The following SPRED2 variants were observed in gnomAD, a reference collection of about 807,000 sequenced individuals.
SPRED2 encodes sprouty related EVH1 domain containing 2.
A neutral mutation model predicts 43.0 loss-of-function variants in SPRED2; 47 were observed. That is an observed-to-expected ratio of 1.09 (90% CI 0.87 to 1.40). The LOEUF is 1.40. SPRED2 is among the 40% of genes most tolerant of loss of function. SPRED2 has a pLI of 0.00. For synonymous variants in SPRED2, 225 were observed against 225.7 expected (o/e 1.00, Z 0.03); for missense variants, 561 against 586.4 (o/e 0.96, Z 0.45).
intron 1 of SPRED2, among the ~76,000 whole-genome samples, chr2:65,411,329 A>G (rs1676153546): frequency 6.6e-6 from 1 of 152,192 alleles, no homozygotes; most frequent in Non-Finnish European, 1.5e-5. Flanking sequence ...CATTGCTGTG[A>G]TATCCCTGCT....
rs978662795 is a variant in SPRED2 at position 65,432,239 on chromosome 2, G to A, written c.-252C>T. The A allele has an allele frequency of 7.5e-6, 4 of 532,622 alleles. No individual in the cohort carries two copies. Among genetic ancestry groups the A allele is most frequent in the Non-Finnish European group, 1.4e-5 (4 of 295,344 alleles). 33.0% of individuals were successfully genotyped at this position (532,622 alleles called of 1,614,324 possible). A position where few individuals can be genotyped will look rare whatever the true frequency, so the allele number is the denominator to read the frequency against. ...GTGGGGAGAGGCGGGCGGAGGCTCC[G>A]GGGGCTCGGGAGCGGGCAGAGGGGG... is the stretch of plus-strand genomic sequence containing the variant. On this transcript the variant is annotated 5_prime_UTR_variant, in exon 1 of 6. Coordinates refer to ENST00000356388, the MANE Select transcript of SPRED2 (RefSeq NM_181784.3).
intron 1 of SPRED2, among the ~76,000 whole-genome samples, chr2:65,395,624 T>C (rs750877482): frequency 1.3e-5 from 2 of 152,252 alleles, no homozygotes; most frequent in Non-Finnish European, 2.9e-5. Context: ...AAAAGTCATT[T>C]AAGGTCTCTA....
At position 65,311,495 on chromosome 2, in the gene SPRED2, A is replaced by C; in HGVS notation, c.*2006T>G. On this transcript the variant is annotated 3_prime_UTR_variant, in exon 6 of 6. Coordinates refer to ENST00000356388, the MANE Select transcript of SPRED2 (RefSeq NM_181784.3). Reference sequence around the variant, plus strand: ...ATAGGGGCACTTGAACTGAGGTCTAAGGAAACGAACATTAGTGTTGTGCTT... The same window carrying C: ...ATAGGGGCACTTGAACTGAGGTCTACGGAAACGAACATTAGTGTTGTGCTT... 1.0e-6 allele frequency: 1 copy of C among 985,904 alleles called. No homozygotes were observed. The highest frequency in any genetic ancestry group is 1.2e-6 in the Non-Finnish European group (1 of 829,946). 61.1% of individuals were successfully genotyped at this position (985,904 alleles called of 1,614,324 possible). A position where few individuals can be genotyped will look rare whatever the true frequency, so the allele number is the denominator to read the frequency against.
At chr2:65,318,905 C>T (rs1245386190) in intron 4 of SPRED2, among the ~76,000 whole-genome samples, 1 of 152,150 alleles carries the variant, frequency 6.6e-6, no homozygotes, top group Non-Finnish European at 1.5e-5. Context: ...GCTTTGGCCT[C>T]CCAATATGCT....
At chr2:65,351,866 T>C (rs1674521171) in intron 1 of SPRED2, among the ~76,000 whole-genome samples, 1 of 152,210 alleles carries the variant, frequency 6.6e-6, no homozygotes, top group Non-Finnish European at 1.5e-5. Flanking sequence ...AAGTATCAAC[T>C]ACTCAAGAAT....
chr2:65,314,609 T>G (rs1673184100), intron 5 of SPRED2, among the ~76,000 whole-genome samples: 1 of 152,214 alleles, frequency 6.6e-6, no homozygotes, highest in African/African-American at 2.4e-5. Context: ...TACACTCACT[T>G]CTAAAGGCCT....
intron 4 of SPRED2, among the ~76,000 whole-genome samples, chr2:65,321,673 G>C (rs1404213701): frequency 6.6e-6 from 1 of 152,110 alleles, no homozygotes; most frequent in Non-Finnish European, 1.5e-5. Context: ...AGATGATTTT[G>C]GTCAAGTTAA....
intron 1 of SPRED2, among the ~76,000 whole-genome samples, chr2:65,381,410 C>G (rs1181525487): frequency 6.6e-6 from 1 of 152,184 alleles, no homozygotes; most frequent in Non-Finnish European, 1.5e-5. Flanking sequence ...GTGTTCCCTG[C>G]CCACCAATTT....
At chr2:65,366,785 T>C in intron 1 of SPRED2, 1 of 1,328,196 alleles carries the variant, frequency 7.5e-7, no homozygotes, top group Non-Finnish European at 9.6e-7. Flanking sequence ...GGATGAGTCA[T>C]CCGAGGGTTA....
chr2:65,380,901 A>G (rs1015626978), intron 1 of SPRED2, among the ~76,000 whole-genome samples: 1 of 152,238 alleles, frequency 6.6e-6, no homozygotes, highest in African/African-American at 2.4e-5. Flanking sequence ...TGCTCCATCA[A>G]AGAGCATTAA....
At chr2:65,404,014 G>A (rs1675963762) in intron 1 of SPRED2, among the ~76,000 whole-genome samples, 1 of 152,138 alleles carries the variant, frequency 6.6e-6, no homozygotes, top group Admixed American at 6.5e-5. Flanking sequence ...AGACCAGCCT[G>A]GCTAACATGG....
intron 1 of SPRED2, among the ~76,000 whole-genome samples, chr2:65,371,827 G>A (rs991841246): frequency 6.6e-6 from 1 of 152,074 alleles, no homozygotes; most frequent in Non-Finnish European, 1.5e-5. Flanking sequence ...TCTAATCCCA[G>A]CACTTTGGGA....
intron 3 of SPRED2, chr2:65,334,294 A>G (rs2104215030): frequency 2.0e-6 from 1 of 492,574 alleles, no homozygotes; most frequent in Non-Finnish European, 4.1e-6. Context: ...GACCAAAGCC[A>G]TTTCAATAGT....
At position 65,313,971 on chromosome 2, in the gene SPRED2, C is replaced by A. The variant is rs890723828; in HGVS notation, c.787G>T (p.Asp263Tyr). The change falls in exon 6 of 6, where the codon GAC becomes TAC. Residue 263 changes from aspartate to tyrosine, a missense_variant. Physicochemically the swap from Asp to Tyr is radical, Grantham distance 160 (BLOSUM62 -3). This residue lies in a region of SPRED2 where 164 missense variants were observed against 164.1 expected (regional missense o/e 1.00). Coordinates refer to ENST00000356388, the MANE Select transcript of SPRED2 (RefSeq NM_181784.3). Reference sequence around the variant, plus strand: ...GAGTCCACGTAGGGGTAGTTGTAGTCATGCTTGGGGACCTCGCCCTTGGCG... The same window carrying A: ...GAGTCCACGTAGGGGTAGTTGTAGTAATGCTTGGGGACCTCGCCCTTGGCG... Reference protein sequence around the residue: ...RFAKGEVPKHDYNYPYVDSSD... With the variant: ...RFAKGEVPKHYYNYPYVDSSD... 2 of 1,612,806 alleles carry A rather than the reference C, an allele frequency of 1.2e-6. No individual in the cohort carries two copies. The highest frequency in any genetic ancestry group is 2.7e-5 in the African/African-American group (2 of 74,942).
At chr2:65,309,553 G>A (rs528163309), downstream of SPRED2, among the ~76,000 whole-genome samples, 425 of 150,166 alleles carry the variant, frequency 2.8e-3, 4 homozygotes, top group African/African-American at 9.9e-3. Context: ...GATGTGGGAT[G>A]TGTATAGGTT....
intron 1 of SPRED2, chr2:65,377,544 A>G (rs1675270911): frequency 1.7e-5 from 8 of 470,774 alleles, no homozygotes; most frequent in Non-Finnish European, 2.2e-5. Context: ...GGTCTCATAG[A>G]GGGGGAACAC....
At chr2:65,353,241 C>T (rs1674559674) in intron 1 of SPRED2, among the ~76,000 whole-genome samples, 2 of 152,138 alleles carry the variant, frequency 1.3e-5, no homozygotes, top group African/African-American at 2.4e-5. Context: ...AGGTCACTAG[C>T]GCCCTCTGTG....
intron 1 of SPRED2, among the ~76,000 whole-genome samples, chr2:65,382,416 A>C (rs268133): frequency 0.91 from 138,885 of 152,216 alleles, 63,850 homozygotes; most frequent in East Asian, 1. Flanking sequence ...GCTGTCCCAC[A>C]CACTACCCTA....
At chr2:65,371,011 G>A (rs1675112687) in intron 1 of SPRED2, among the ~76,000 whole-genome samples, 3 of 152,204 alleles carry the variant, frequency 2.0e-5, no homozygotes, top group African/African-American at 7.2e-5. Flanking sequence ...TTTCAAGGGG[G>A]CTGAATAGCC....
Sources: allele counts gnomAD v4.1 joint callset (sites outside exome capture counted in the v4.1 genomes callset), GRCh38; gene constraint gnomAD v4.1.1; regional missense constraint gnomAD v4.1.1; transcripts MANE v1.5; gene names NCBI Gene and HGNC (gene_info 2026-07-23, HGNC 2026-07-21).